The following LMF1 variants were observed in gnomAD, a reference collection of about 807,000 sequenced individuals.
The protein encoded by LMF1 is lipase maturation factor 1.
In LMF1, 68 loss-of-function variants were observed where a neutral mutation model predicts 60.6. The observed-to-expected ratio is 1.12, with a 90% CI of 0.92 to 1.37. The LOEUF (loss-of-function observed/expected upper bound fraction) is 1.37. Among genes scored for constraint, LMF1 ranks in the 40% most tolerant of loss-of-function variants. The pLI, the probability that LMF1 is intolerant of heterozygous loss-of-function variation, is 0.00. For synonymous variants in LMF1, 418 were observed against 324.7 expected (o/e 1.29, Z -3.09); for missense variants, 948 against 767.2 (o/e 1.24, Z -2.78).
At chr16:876,065 G>C (rs1201647547) in intron 6 of LMF1, among the ~76,000 whole-genome samples, 1 of 152,248 alleles carries the variant, frequency 6.6e-6, no homozygotes, top group Non-Finnish European at 1.5e-5. Context: ...CCTGTGCTCA[G>C]CACAACCCTC....
chr16:915,718 T>C (rs1258113359), intron 3 of LMF1, among the ~76,000 whole-genome samples: 13 of 151,982 alleles, frequency 8.6e-5, no homozygotes, highest in Non-Finnish European at 1.9e-4. Context: ...TGAGATGGGG[T>C]TTTCCGGACG....
At chr16:935,450 T>C (rs1387899537) in intron 2 of LMF1, among the ~76,000 whole-genome samples, 2 of 152,104 alleles carry the variant, frequency 1.3e-5, no homozygotes, top group East Asian at 3.9e-4. Context: ...CGCTGACTTG[T>C]ACACTTTATG....
At chr16:972,208 C>T (rs1046955856), upstream of LMF1, among the ~76,000 whole-genome samples, 3 of 151,942 alleles carry the variant, frequency 2.0e-5, no homozygotes, top group East Asian at 3.9e-4. Flanking sequence ...CCGTAGCATA[C>T]GTGTACATCT....
Position 964,046 on chromosome 16 carries a change from C to T in LMF1, c.193+6742G>A, listed in dbSNP as rs148550990. ...CCTCTCACAGGGACCCAGAGCCTGACCTGGGAGCTGCAACGAGGAAATACC... is the reference window on the plus strand; with the variant it reads ...CCTCTCACAGGGACCCAGAGCCTGATCTGGGAGCTGCAACGAGGAAATACC... On this transcript the variant is annotated intron_variant, in intron 1 of 10. Coordinates refer to ENST00000262301, the MANE Select transcript of LMF1 (RefSeq NM_022773.4). 0.013 allele frequency: 6,100 copies of T among 456,068 alleles called. 75 individuals are homozygous for T. Among genetic ancestry groups the T allele is most frequent in the Non-Finnish European group, 0.018 (4,118 of 226,798 alleles). The allele number at this position is 456,068 out of a possible 1,614,324, so 28.3% of individuals were successfully genotyped here.
At chr16:877,275 C>A (rs9928469) in intron 6 of LMF1, among the ~76,000 whole-genome samples, 19,870 of 152,162 alleles carry the variant, frequency 0.13, 1,516 homozygotes, top group East Asian at 0.27. Flanking sequence ...GATTTGAAAA[C>A]AGATGAACAA....
intron 4 of LMF1, among the ~76,000 whole-genome samples, chr16:908,167 C>T (rs1197629612): frequency 6.6e-6 from 1 of 152,232 alleles, no homozygotes; most frequent in African/African-American, 2.4e-5. Flanking sequence ...TAAAACTAAG[C>T]CCTGGAAAGA....
At chr16:955,031 A>ACACACACACACACATC (rs2072646319) in intron 1 of LMF1, among the ~76,000 whole-genome samples, 6 of 145,160 alleles carry the variant, frequency 4.1e-5, no homozygotes, top group Admixed American at 2.1e-4. Flanking sequence ...CGGTGTGTGC[A>ACACACACACACACATC]TACACACACA....
intron 10 of LMF1, among the ~76,000 whole-genome samples, chr16:863,518 G>A (rs1221419242): frequency 1.3e-5 from 2 of 152,084 alleles, no homozygotes; most frequent in African/African-American, 2.4e-5. Context: ...GATTTTATTG[G>A]TCTTTTAAAA....
chr16:917,289 T>G (rs542525278), intron 3 of LMF1, among the ~76,000 whole-genome samples: 1 of 151,490 alleles, frequency 6.6e-6, no homozygotes, highest in East Asian at 2.0e-4. Flanking sequence ...GCCACACGTG[T>G]GCACTGCGGG....
intron 1 of LMF1, chr16:980,168 G>A (rs1481276491): frequency 9.3e-6 from 2 of 214,038 alleles, no homozygotes; most frequent in Non-Finnish European, 1.9e-5. Flanking sequence ...AGGTGACACG[G>A]CCCTTGCTCT....
chr16:930,019 G>A (rs1217961234), intron 3 of LMF1, among the ~76,000 whole-genome samples: 5 of 150,460 alleles, frequency 3.3e-5, no homozygotes, highest in East Asian at 2.0e-4. Context: ...CAGTGGTCGC[G>A]TCCGTGTGAA....
At chr16:952,192 C>G (rs1320965115) in intron 2 of LMF1, among the ~76,000 whole-genome samples, 2 of 152,144 alleles carry the variant, frequency 1.3e-5, no homozygotes, top group African/African-American at 4.8e-5. Context: ...TCAAGTGTAG[C>G]TGAGACCTGA....
At chr16:928,848 A>G (rs1011944992) in intron 3 of LMF1, among the ~76,000 whole-genome samples, 4 of 152,212 alleles carry the variant, frequency 2.6e-5, no homozygotes, top group African/African-American at 9.6e-5. Context: ...ACCCAAGTCC[A>G]TCAGGCTAAA....
At chr16:865,405 C>T (rs955587160) in intron 10 of LMF1, among the ~76,000 whole-genome samples, 5 of 152,300 alleles carry the variant, frequency 3.3e-5, no homozygotes, top group African/African-American at 1.2e-4. Context: ...GGCTGGAGGG[C>T]AACGGTGTGA....
intron 3 of LMF1, among the ~76,000 whole-genome samples, chr16:923,865 T>C (rs945620301): frequency 1.3e-5 from 2 of 152,180 alleles, no homozygotes; most frequent in Non-Finnish European, 1.5e-5. Flanking sequence ...AACTGATGGA[T>C]TGTCCAATGT....
At chr16:907,474 C>T (rs531565333) in intron 4 of LMF1, among the ~76,000 whole-genome samples, 30 of 152,234 alleles carry the variant, frequency 2.0e-4, no homozygotes, top group Non-Finnish European at 2.6e-4. Flanking sequence ...CGTCCAGCTC[C>T]GGCGGGCACA....
At chr16:976,640 C>A (rs147467891) in intron 1 of LMF1, 1 of 454,014 alleles carries the variant, frequency 2.2e-6, no homozygotes, top group Non-Finnish European at 4.4e-6. Context: ...GTGCTGTTGG[C>A]GCCCCCCACC....
At chr16:882,192 G>A (rs1449987670) in intron 5 of LMF1, among the ~76,000 whole-genome samples, 2 of 152,224 alleles carry the variant, frequency 1.3e-5, no homozygotes, top group African/African-American at 4.8e-5. Context: ...GATAAAGACG[G>A]TGACAAATGT....
chr16:936,912 A>T (rs1322714402), intron 2 of LMF1, among the ~76,000 whole-genome samples: 1 of 152,176 alleles, frequency 6.6e-6, no homozygotes, highest in Non-Finnish European at 1.5e-5. Context: ...GGCTGCAGTG[A>T]GCCAAGATCG....
Sources: allele counts gnomAD v4.1 joint callset (sites outside exome capture counted in the v4.1 genomes callset), GRCh38; gene constraint gnomAD v4.1.1; transcripts MANE v1.5; gene names NCBI Gene and HGNC (gene_info 2026-07-23, HGNC 2026-07-21).